The following SENP7 variants were observed in gnomAD, a reference collection of about 807,000 sequenced individuals.
SENP7 encodes SUMO specific peptidase 7.
Under a neutral mutation model 141.2 loss-of-function variants are expected in SENP7, and 64 were observed. The observed-to-expected ratio is 0.45, with a 90% confidence interval of 0.37 to 0.56. The LOEUF (loss-of-function observed/expected upper bound fraction) is 0.56. Among genes scored for constraint, SENP7 ranks in the 20% least tolerant of loss-of-function variants. The probability of loss-of-function intolerance (pLI) is 0.00; values close to 1 mark genes in which losing one functional copy is unlikely to be tolerated. For missense variants in SENP7, 1,025 were observed against 1,212.2 expected, an observed-to-expected ratio of 0.85 and a Z score of 2.29; for synonymous variants, 382 against 426.4, an observed-to-expected ratio of 0.90 and a Z score of 1.28.
In SENP7 at chr3:101,509,650, C is replaced by G. The variant is rs535648011; in HGVS notation, c.40+3441G>C. Among the ~76,000 whole-genome samples, 453 of 152,306 alleles carry G rather than the reference C, an allele frequency of 3.0e-3. 2 individuals are homozygous for G. The highest frequency in any genetic ancestry group is 0.014 in the Middle Eastern group (4 of 294). On this transcript the variant is annotated intron_variant, in intron 1 of 23. Coordinates refer to ENST00000394095, the MANE Select transcript of SENP7 (RefSeq NM_020654.5). ...ATAATGCAGCTTTATCATAACTAAT[C>G]GTTAAGTTCTCATCTTGAGCTTCAA...
At chr3:101,380,445 C>CA (rs1553707804) in intron 6 of SENP7, among the ~76,000 whole-genome samples, 17,795 of 128,840 alleles carry the variant, frequency 0.14, 1,522 homozygotes, top group South Asian at 0.21. Context: ...GCCCCCCCCC[C>CA]CACACACACA....
chr3:101,387,237 A>T (rs2060683206), intron 6 of SENP7, among the ~76,000 whole-genome samples: 1 of 152,112 alleles, frequency 6.6e-6, no homozygotes, highest in Non-Finnish European at 1.5e-5. Flanking sequence ...TCCAGGGATT[A>T]AAAAAATCAA....
chr3:101,382,228 G>A (rs1365426907), intron 6 of SENP7, among the ~76,000 whole-genome samples: 1 of 152,078 alleles, frequency 6.6e-6, no homozygotes, highest in Non-Finnish European at 1.5e-5. Flanking sequence ...CCATGCTGGA[G>A]TGCAGTGGCT....
chr3:101,351,701 T>A (rs1318267415), intron 11 of SENP7, 50 bp from the exon 12 acceptor site: 23 of 1,262,166 alleles, frequency 1.8e-5, no homozygotes, highest in Non-Finnish European at 2.3e-5. Flanking sequence ...CAAAATGTGT[T>A]ACTATTCAAA....
chr3:101,398,125 A>G (rs1486278394), intron 6 of SENP7, among the ~76,000 whole-genome samples: 2 of 152,170 alleles, frequency 1.3e-5, no homozygotes, highest in African/African-American at 4.8e-5. Flanking sequence ...CTATTTACTG[A>G]GCACTAAGTA....
At chr3:101,376,633 G>A (rs548526849) in intron 6 of SENP7, among the ~76,000 whole-genome samples, 13 of 152,024 alleles carry the variant, frequency 8.6e-5, no homozygotes, top group Admixed American at 7.2e-4. Context: ...GGGGACTGTT[G>A]TGGGGTGGGG....
chr3:101,454,187 CTAGTTATCTATTCAAGATAA>C (rs2063264414), intron 4 of SENP7, among the ~76,000 whole-genome samples: 1 of 152,130 alleles, frequency 6.6e-6, no homozygotes, highest in Admixed American at 6.6e-5. Context: ...AATTCTAATC[CTAGTTATCTATTCAAGATAA>C]ATGAAAACAT....
At position 101,501,227 on chromosome 3, in the gene SENP7, G is replaced by C. The variant is rs963866085; in HGVS notation, c.41-108C>G. On this transcript the variant is annotated intron_variant, in intron 1 of 23. Transcript: ENST00000394095. ...TTCATCCTTTGTTTTAAATTAACTT[G>C]TTAGATTTAGAATTTACACATTTTA... is the stretch of plus-strand genomic sequence containing the variant. 14 of 736,568 alleles carry C rather than the reference G, an allele frequency of 1.9e-5. No individual in the cohort carries two copies. The African/African-American group carries it at 2.3e-4, about 12-fold the overall frequency. The allele number at this position is 736,568 out of a possible 1,614,324, so 45.6% of individuals were successfully genotyped here.
intron 13 of SENP7, among the ~76,000 whole-genome samples, chr3:101,346,228 AAG>A (rs2059449923): frequency 6.6e-6 from 1 of 152,214 alleles, no homozygotes; most frequent in Non-Finnish European, 1.5e-5. Context: ...TTACTCCCAC[AAG>A]AATGGTCATT....
intron 6 of SENP7, among the ~76,000 whole-genome samples, chr3:101,392,677 A>T (rs946519733): frequency 2.0e-5 from 3 of 152,210 alleles, no homozygotes; most frequent in African/African-American, 7.2e-5. Flanking sequence ...TCCTAGAAAC[A>T]GAAAAACCAA....
intron 4 of SENP7, among the ~76,000 whole-genome samples, chr3:101,451,706 C>T (rs368748867): frequency 6.6e-6 from 1 of 152,138 alleles, no homozygotes; most frequent in Non-Finnish European, 1.5e-5. Flanking sequence ...ATTGATGGGA[C>T]GTATCTCAAA....
intron 3 of SENP7, among the ~76,000 whole-genome samples, chr3:101,476,949 T>C (rs541155483): frequency 6.6e-6 from 1 of 152,342 alleles, no homozygotes; most frequent in Admixed American, 6.5e-5. Flanking sequence ...TGGGGTTATT[T>C]GTTTTTTTCT....
At chr3:101,489,948 G>T (rs767607310) in intron 3 of SENP7, among the ~76,000 whole-genome samples, 7 of 152,188 alleles carry the variant, frequency 4.6e-5, no homozygotes, top group Non-Finnish European at 7.4e-5. Flanking sequence ...ATTTTGGGAG[G>T]CCAAGGCAGG....
intron 4 of SENP7, among the ~76,000 whole-genome samples, chr3:101,448,432 T>A (rs527917840): frequency 6.6e-6 from 1 of 152,262 alleles, no homozygotes; most frequent in African/African-American, 2.4e-5. Flanking sequence ...AGGATCTGAG[T>A]AGACAATTCT....
At chr3:101,494,006 CTA>C in intron 2 of SENP7, 38 bp from the exon 3 acceptor site, 1 of 1,317,578 alleles carries the variant, frequency 7.6e-7, no homozygotes, top group Non-Finnish European at 1.1e-6. Flanking sequence ...TTTAATTGAA[CTA>C]TATACAAGAG....
intron 4 of SENP7, among the ~76,000 whole-genome samples, chr3:101,434,618 A>T (rs982565303): frequency 6.6e-6 from 1 of 152,114 alleles, no homozygotes; most frequent in Non-Finnish European, 1.5e-5. Context: ...AATTCAGAGG[A>T]TCATTAGTGG....
intron 5 of SENP7, among the ~76,000 whole-genome samples, chr3:101,412,919 T>C (rs1414521920): frequency 6.6e-6 from 1 of 152,154 alleles, no homozygotes; most frequent in Non-Finnish European, 1.5e-5. Flanking sequence ...AAAACTCTTT[T>C]GATACTGCTA....
At chr3:101,345,017 A>AAAG in intron 13 of SENP7, among the ~76,000 whole-genome samples, 1 of 112,784 alleles carries the variant, frequency 8.9e-6, no homozygotes, top group African/African-American at 3.0e-5. Flanking sequence ...AAAAAAAAAA[A>AAAG]GGAGAAGAAA....
intron 4 of SENP7, chr3:101,457,747 G>C (rs1177226207): frequency 1.2e-6 from 1 of 809,158 alleles, no homozygotes; most frequent in Non-Finnish European, 2.0e-6. Flanking sequence ...GAGCAGATAA[G>C]GGGCCATGCA....
Sources: allele counts gnomAD v4.1 joint callset (sites outside exome capture counted in the v4.1 genomes callset), GRCh38; gene constraint gnomAD v4.1.1; transcripts MANE v1.5; gene names NCBI Gene and HGNC (gene_info 2026-07-23, HGNC 2026-07-21).